The following PLK4 variants were observed in gnomAD, a reference collection of about 807,000 sequenced individuals.
The protein encoded by PLK4 is serine/threonine-protein kinase PLK4.
In PLK4, 51 loss-of-function variants were observed where a neutral mutation model predicts 103.0. The ratio of observed to expected loss-of-function variants is 0.50; its 90% CI spans 0.40 to 0.63. The LOEUF is 0.63. Ranked by LOEUF, PLK4 falls within the 20% of genes least tolerant of loss-of-function variation. The pLI, the probability that PLK4 is intolerant of heterozygous loss-of-function variation, is 0.00. For missense variants in PLK4, 1,054 were observed against 1,151.0 expected (o/e 0.92, Z 1.22); for synonymous variants, 389 against 376.8 (o/e 1.03, Z -0.38).
At chr4:127,897,824 C>CGT (rs1735626147) in intron 15 of PLK4, among the ~76,000 whole-genome samples, 1 of 28,802 alleles carries the variant, frequency 3.5e-5, no homozygotes, top group Non-Finnish European at 6.4e-5. Context: ...AGAATTAGGG[C>CGT]TTTTTTTTTT....
At chr4:127,886,826 AT>A in intron 5 of PLK4, 98 bp downstream of exon 5, 1 of 678,618 alleles carries the variant, frequency 1.5e-6, no homozygotes, top group Non-Finnish European at 2.3e-6. Flanking sequence ...AGGGAAATGA[AT>A]GTCTAAAAAA....
At position 127,886,842 on chromosome 4, in the gene PLK4, A is replaced by G. The variant is rs190078892; in HGVS notation, c.1358+114A>G. On this transcript the variant is annotated intron_variant, in intron 5 of 15. Transcript: ENST00000270861. ...GGGAAATGAATGTCTAAAAAAAAAA[A>G]CCACTGTCATGATTTTGACCTGTGG... 267 of 620,230 alleles carry G rather than the reference A, an allele frequency of 4.3e-4. 1 individual carries two copies. In the East Asian group the frequency reaches 6.3e-3, roughly 15 times the overall value. The allele number at this position is 620,230 out of a possible 1,614,324, so 38.4% of individuals were successfully genotyped here. A position where few individuals can be genotyped will look rare whatever the true frequency, so the allele number is the denominator to read the frequency against.
intron 4 of PLK4, among the ~76,000 whole-genome samples, chr4:127,884,630 C>T (rs1235032788): frequency 6.6e-6 from 1 of 152,090 alleles, no homozygotes; most frequent in Non-Finnish European, 1.5e-5. Context: ...ATGGTAAAAC[C>T]CCATCTCTAC....
chr4:127,894,243 T>C (rs1308165720), intron 13 of PLK4, among the ~76,000 whole-genome samples: 1 of 152,114 alleles, frequency 6.6e-6, no homozygotes, highest in African/African-American at 2.4e-5. Context: ...TAGTTTTTTT[T>C]TTTGTTTTTT....
chr4:127,890,911 C>T (rs1330130968), intron 7 of PLK4, 181 bp from the exon 8 acceptor site: 1 of 402,366 alleles, frequency 2.5e-6, no homozygotes, highest in African/African-American at 2.1e-5. Context: ...AACTTTGCAC[C>T]ATATGGTTCA....
chr4:127,881,247 C>A, intron 1 of PLK4, 83 bp downstream of exon 1: 3 of 1,602,836 alleles, frequency 1.9e-6, no homozygotes, highest in South Asian at 1.1e-5. Flanking sequence ...GGGGAGCGAA[C>A]GAAGCTAACG....
intron 14 of PLK4, 60 bp downstream of exon 14, chr4:127,895,153 G>T: frequency 8.6e-7 from 1 of 1,169,578 alleles, no homozygotes; most frequent in Non-Finnish European, 1.2e-6. Flanking sequence ...TTTTCACACT[G>T]ATAAGACAAT....
At position 127,886,020 on chromosome 4, in the gene PLK4, A is replaced by G; in HGVS notation, c.650A>G (p.Lys217Arg). The G allele has an allele frequency of 1.2e-6, 2 of 1,614,168 alleles. No homozygotes were observed. The part of the protein sequence containing the change: ...GRPPFDTDTV[K>R]NTLNKVVLAD... ...CCACCCTTCGACACTGACACAGTCA[A>G]GAACACATTAAATAAAGTAGTATTG... The change falls in exon 5 of 16, where the codon AAG (lysine) becomes AGG (arginine). Residue 217 changes from lysine to arginine, a missense_variant. Coordinates refer to ENST00000270861, the MANE Select transcript of PLK4 (RefSeq NM_014264.5).
At chr4:127,892,141 G>T (rs1268502664) in intron 9 of PLK4, 8 of 344,506 alleles carry the variant, frequency 2.3e-5, no homozygotes, top group Non-Finnish European at 4.2e-5. Flanking sequence ...CTACATAAAT[G>T]ATTATTTATA....
rs143524569 is a variant in PLK4 at position 127,893,028 on chromosome 4, C to G, written c.2189-257C>G. On this transcript the variant is annotated intron_variant, in intron 10 of 15. Coordinates refer to ENST00000270861, the MANE Select transcript of PLK4 (RefSeq NM_014264.5). ...TACACATATAATTATAGCTATCCTT[C>G]AATTATGTTTTTGTATGAATATAGT... Among the ~76,000 whole-genome samples, 313 of 151,938 alleles carry G rather than the reference C, an allele frequency of 2.1e-3. 2 individuals carry two copies. Among genetic ancestry groups the G allele is most frequent in the Non-Finnish European group, 2.3e-3 (158 of 67,872 alleles).
chr4:127,899,055 A>T lies in PLK4; in HGVS notation c.*514A>T, dbSNP rs1735682694. Reference sequence around the variant, plus strand: ...TGCAAATGCATTTTATAAAAAAATAAATATAGTGATAAGTTACATTATCTT... The same window carrying T: ...TGCAAATGCATTTTATAAAAAAATATATATAGTGATAAGTTACATTATCTT... On this transcript the variant is annotated 3_prime_UTR_variant, in exon 16 of 16. Transcript: ENST00000270861. 6.6e-6 allele frequency: 1 copy of T among 152,466 alleles called. No individual in the cohort carries two copies. Among genetic ancestry groups the T allele is most frequent in the Admixed American group, 6.5e-5 (1 of 15,282 alleles). 9.4% of individuals were successfully genotyped at this position (152,466 alleles called of 1,614,324 possible).
intron 4 of PLK4, among the ~76,000 whole-genome samples, chr4:127,885,068 A>G (rs1449880244): frequency 1.3e-5 from 2 of 152,088 alleles, no homozygotes; most frequent in Non-Finnish European, 2.9e-5. Context: ...CTTAATTGCT[A>G]TGGTTACCCT....
At chr4:127,893,161 C>A in intron 10 of PLK4, 124 bp from the exon 11 acceptor site, 1 of 526,318 alleles carries the variant, frequency 1.9e-6, no homozygotes, top group Non-Finnish European at 3.3e-6. Context: ...TATTAATAGT[C>A]AATAAATGAA....
Position 127,890,028 on chromosome 4 carries a change from A to C in PLK4, c.1622A>C (p.Asn541Thr). The change falls in exon 7 of 16, where the codon AAT (asparagine) becomes ACT (threonine). Residue 541 changes from asparagine to threonine, a missense_variant. Asn to Thr is a moderately conservative substitution (Grantham distance 65). Transcript: ENST00000270861. ...AATGCACATTCTGTAAAACAGCAAA[A>C]TACCATGAAATATATGACTGCACTT... ...SDNAHSVKQQ[N>T]TMKYMTALHS... The C allele has an allele frequency of 6.2e-7, 1 of 1,613,990 alleles. No individual in the cohort carries two copies. Among genetic ancestry groups the C allele is most frequent in the South Asian group, 1.1e-5 (1 of 91,074 alleles).
Position 127,893,831 on chromosome 4 carries a change from G to A in PLK4, c.2512G>A (p.Val838Ile), listed in dbSNP as rs1735459130. 1 of 1,610,702 alleles carries A rather than the reference G, an allele frequency of 6.2e-7. No individual in the cohort carries two copies. The highest frequency in any genetic ancestry group is 1.7e-5 in the Admixed American group (1 of 59,966). The change falls in exon 13 of 16, where the codon GTC becomes ATC. Residue 838 changes from valine (V) to isoleucine (I), a missense_variant. Val to Ile is a conservative substitution (Grantham distance 29, BLOSUM62 3). This residue lies in a region of PLK4 where 167 missense variants were observed against 200.7 expected (regional missense o/e 0.83). Transcript: ENST00000270861. ...TRERASFNRMVMHSAASPTQA... is the reference protein window; with the variant it reads ...TRERASFNRMIMHSAASPTQA... ...AGAGAGAGCATCTTTCAACAGAATG[G>A]TCATGCATAGTGCTGCTTCTCCAAC...
chr4:127,882,899 G>A (rs1734981947), intron 2 of PLK4, among the ~76,000 whole-genome samples: 1 of 151,936 alleles, frequency 6.6e-6, no homozygotes, highest in Non-Finnish European at 1.5e-5. Flanking sequence ...CAGCCTAGGT[G>A]ACAGTGAGAC....
chr4:127,889,759 A>G, intron 6 of PLK4, 107 bp from the exon 7 acceptor site: 1 of 787,582 alleles, frequency 1.3e-6, no homozygotes, highest in Non-Finnish European at 2.0e-6. Flanking sequence ...TTTTGTAACT[A>G]GAATTCTTTT....
chr4:127,881,457 A>C (rs1458447408), intron 1 of PLK4: 2 of 1,228,784 alleles, frequency 1.6e-6, no homozygotes. Context: ...AGAGCAGGGC[A>C]GGGCTACCTC....
rs5861839 is a variant in PLK4 at position 127,882,995 on chromosome 4, AT to A, written c.127-258del. Among the ~76,000 whole-genome samples, 87,011 of 151,602 alleles carry A rather than the reference AT, an allele frequency of 0.57. 25,980 individuals are homozygous for A. Among genetic ancestry groups the A allele is most frequent in the Middle Eastern group, 0.81 (238 of 294 alleles). Reference sequence around the variant, plus strand: ...TGCTCTAAAATTTGCCTGAATTGGGATTTTTTTTTCTTAATAGTTAGGCTAG... The same window carrying A: ...TGCTCTAAAATTTGCCTGAATTGGGATTTTTTTTCTTAATAGTTAGGCTAG... On this transcript the variant is annotated intron_variant, in intron 2 of 15. Transcript: ENST00000270861.
Sources: allele counts gnomAD v4.1 joint callset (sites outside exome capture counted in the v4.1 genomes callset), GRCh38; gene constraint gnomAD v4.1.1; regional missense constraint gnomAD v4.1.1; transcripts MANE v1.5; gene names NCBI Gene and HGNC (gene_info 2026-07-23, HGNC 2026-07-21).